DPF3: variants seen among roughly 807,000 people sequenced by gnomAD.
DPF3 encodes the protein zinc finger protein DPF3.
DPF3 carries 18 observed loss-of-function variants against 56.8 expected under a neutral mutation model. That is an observed-to-expected ratio of 0.32 (90% CI 0.22 to 0.47). The LOEUF (loss-of-function observed/expected upper bound fraction) is 0.47. Ranked by LOEUF, DPF3 falls within the 20% of genes least tolerant of loss-of-function variation. The pLI, the probability that DPF3 is intolerant of heterozygous loss-of-function variation, is 1.00. For missense variants in DPF3, 403 were observed against 488.8 expected, an observed-to-expected ratio of 0.82 and a Z score of 1.65; for synonymous variants, 188 against 180.2, an observed-to-expected ratio of 1.04 and a Z score of -0.35.
intron 6 of DPF3, among the ~76,000 whole-genome samples, chr14:72,701,987 C>G (rs1465826754): frequency 6.6e-6 from 1 of 152,244 alleles, no homozygotes; most frequent in Non-Finnish European, 1.5e-5. Flanking sequence ...AGGCAGCACC[C>G]ATTCCCATGC....
intron 1 of DPF3, among the ~76,000 whole-genome samples, chr14:72,802,197 T>C (rs1166822261): frequency 1.3e-5 from 2 of 152,110 alleles, no homozygotes; most frequent in Non-Finnish European, 2.9e-5. Context: ...CAAATGGGAC[T>C]CCTGGTTTCT....
intron 5 of DPF3, among the ~76,000 whole-genome samples, chr14:72,715,417 C>A (rs1405227616): frequency 6.6e-6 from 1 of 152,180 alleles, no homozygotes; most frequent in Non-Finnish European, 1.5e-5. Context: ...CTCTCCAGGT[C>A]ATTCTTTGGT....
chr14:72,723,724 A>G lies in DPF3; in HGVS notation c.434T>C (p.Val145Ala). The G allele has an allele frequency of 6.4e-7, 1 of 1,569,110 alleles. No individual in the cohort carries two copies. Among genetic ancestry groups the G allele is most frequent in the Non-Finnish European group, 8.6e-7 (1 of 1,166,630 alleles). ...TTCTACATTTTCATCATTTTCCAAA[A>G]CCCTCTGAAATGAAAAAAAAAAATA... ...EEESIQEIQRVLENDENVEEG... is the reference protein window; with the variant it reads ...EEESIQEIQRALENDENVEEG... Residue 145 changes from valine to alanine, a missense_variant, in exon 5 of 11, where the codon GTT (valine) becomes GCT (alanine). Around this residue, in one of 2 missense-constraint regions of DPF3, gnomAD observed 340 missense variants for 374.3 expected, o/e 0.91. Coordinates refer to ENST00000556509, the MANE Select transcript of DPF3 (RefSeq NM_001280542.3).
chr14:72,775,478 G>A (rs1891709266), intron 1 of DPF3, among the ~76,000 whole-genome samples: 1 of 152,218 alleles, frequency 6.6e-6, no homozygotes, highest in South Asian at 2.1e-4. Context: ...ACTGGATCGA[G>A]AATGTCAAAC....
chr14:72,858,048 T>G (rs868056388), intron 1 of DPF3, among the ~76,000 whole-genome samples: 2 of 151,110 alleles, frequency 1.3e-5, no homozygotes, highest in Middle Eastern at 3.4e-3. Flanking sequence ...CTCATGCCTG[T>G]AATCCCAGGA....
chr14:72,668,455 C>G (rs1318806661), intron 8 of DPF3, among the ~76,000 whole-genome samples: 1 of 152,014 alleles, frequency 6.6e-6, no homozygotes, highest in Non-Finnish European at 1.5e-5. Context: ...TTCTATTACC[C>G]CAAGGAAGAA....
At chr14:72,801,483 C>A (rs1270460189) in intron 1 of DPF3, among the ~76,000 whole-genome samples, 1 of 152,252 alleles carries the variant, frequency 6.6e-6, no homozygotes, top group African/African-American at 2.4e-5. Context: ...CAGAACCACA[C>A]TGTGCACTCT....
At chr14:72,788,087 A>G (rs1012691835) in intron 1 of DPF3, among the ~76,000 whole-genome samples, 36 of 152,224 alleles carry the variant, frequency 2.4e-4, no homozygotes, top group African/African-American at 8.7e-4. Flanking sequence ...GGGACAGGGT[A>G]TGATCCCAGC....
intron 1 of DPF3, among the ~76,000 whole-genome samples, chr14:72,819,460 A>G (rs1883433750): frequency 6.6e-6 from 1 of 152,208 alleles, no homozygotes; most frequent in South Asian, 2.1e-4. Context: ...ATGTCCATCA[A>G]CTGGTGAATG....
chr14:72,612,435 T>C lies in DPF3; in HGVS notation c.*6862A>G, dbSNP rs531466402. On this transcript the variant is annotated 3_prime_UTR_variant, in exon 11 of 11. Coordinates refer to ENST00000556509, the MANE Select transcript of DPF3 (RefSeq NM_001280542.3). ...TATCAGGCAGTGTTTCTGTCCTTTT[T>C]TTTTTTCTAGTACCTAATTTAGGCT... 5 of 516,598 alleles carry C rather than the reference T, an allele frequency of 9.7e-6. No homozygotes were observed. The Admixed American group carries it at 9.7e-5, about 10-fold the overall frequency. The allele number at this position is 516,598 out of a possible 1,614,324, so 32.0% of individuals were successfully genotyped here. A position where few individuals can be genotyped will look rare whatever the true frequency, so the allele number is the denominator to read the frequency against.
chr14:72,828,261 A>G (rs915612458), intron 1 of DPF3, among the ~76,000 whole-genome samples: 9 of 152,180 alleles, frequency 5.9e-5, no homozygotes, highest in African/African-American at 1.9e-4. Flanking sequence ...CATAGCAGAA[A>G]AACAGCAGAT....
chr14:72,630,529 C>A (rs561184659), intron 8 of DPF3, among the ~76,000 whole-genome samples: 37 of 152,336 alleles, frequency 2.4e-4, no homozygotes, highest in African/African-American at 8.4e-4. Flanking sequence ...ATGCCCAAGA[C>A]TTGGCCTGTG....
intron 1 of DPF3, among the ~76,000 whole-genome samples, chr14:72,811,083 C>G (rs1043579956): frequency 3.3e-5 from 5 of 152,126 alleles, no homozygotes; most frequent in Non-Finnish European, 7.4e-5. Context: ...AGAGCAAGAC[C>G]AAGGCAGCAA....
At chr14:72,636,286 T>C (rs1479146155) in intron 8 of DPF3, among the ~76,000 whole-genome samples, 1 of 152,226 alleles carries the variant, frequency 6.6e-6, no homozygotes, top group Non-Finnish European at 1.5e-5. Context: ...AATGTATATA[T>C]GAAGTTTTAG....
At chr14:72,619,399 C>A in intron 10 of DPF3, 32 bp from the exon 11 acceptor site, 1 of 1,532,718 alleles carries the variant, frequency 6.5e-7, no homozygotes, top group African/African-American at 1.4e-5. Context: ...TAGTAGCAGC[C>A]CCTCTGCTAA....
At chr14:72,743,212 C>T (rs1004758525) in intron 3 of DPF3, among the ~76,000 whole-genome samples, 1 of 152,194 alleles carries the variant, frequency 6.6e-6, no homozygotes, top group Non-Finnish European at 1.5e-5. Flanking sequence ...CACCCTGCTC[C>T]CCAAGAGTCC....
chr14:72,795,961 A>G (rs1393752088), intron 1 of DPF3, among the ~76,000 whole-genome samples: 1 of 152,240 alleles, frequency 6.6e-6, no homozygotes, highest in Non-Finnish European at 1.5e-5. Flanking sequence ...TATAGCTTAC[A>G]GTCAACAATT....
chr14:72,792,274 G>A (rs1018327873), intron 1 of DPF3, among the ~76,000 whole-genome samples: 1 of 152,194 alleles, frequency 6.6e-6, no homozygotes, highest in African/African-American at 2.4e-5. Flanking sequence ...GACACAAAGA[G>A]GGGGAAGGCC....
intron 8 of DPF3, among the ~76,000 whole-genome samples, chr14:72,673,268 G>A (rs1171278532): frequency 1.3e-5 from 2 of 152,138 alleles, no homozygotes; most frequent in Admixed American, 1.3e-4. Flanking sequence ...CTGGGGACTG[G>A]GAGTGAAAAA....
Sources: gnomAD v4.1 joint callset for allele counts (sites outside exome capture counted in the v4.1 genomes callset) on GRCh38, gnomAD v4.1.1 for gene constraint, gnomAD v4.1.1 regional missense constraint, MANE v1.5 for transcripts, NCBI Gene and HGNC (gene_info 2026-07-23, HGNC 2026-07-21) for gene names.